Variants in BTG4 observed in about 807,000 individuals in gnomAD.
BTG4 encodes the protein BTG anti-proliferation factor 4.
In BTG4, 10 loss-of-function variants were observed where a neutral mutation model predicts 19.3. The observed-to-expected ratio is 0.52, with a 90% CI of 0.32 to 0.88. The LOEUF (loss-of-function observed/expected upper bound fraction) is 0.88, where lower values mean the gene tolerates loss of function less well. BTG4 is among the 40% of genes least tolerant of loss of function. The pLI is 0.04. For missense variants in BTG4, 238 were observed against 281.9 expected, an observed-to-expected ratio of 0.84 and a Z score of 1.11; for synonymous variants, 91 against 95.7, an observed-to-expected ratio of 0.95 and a Z score of 0.29.
At chr11:111,498,505 G>T in intron 2 of BTG4, 99 bp downstream of exon 2, 2 of 1,084,248 alleles carry the variant, frequency 1.8e-6, no homozygotes, top group South Asian at 1.4e-5. Context: ...TAAAACTTTT[G>T]TTACTTATAT....
chr11:111,490,356 G>A (rs1865340523), downstream of BTG4, among the ~76,000 whole-genome samples: 1 of 151,756 alleles, frequency 6.6e-6, no homozygotes, highest in Non-Finnish European at 1.5e-5. Flanking sequence ...TTGAGGTGAT[G>A]AATACCCCAA....
the BTG4 span, among the ~76,000 whole-genome samples, chr11:111,411,826 T>A: frequency 6.6e-6 from 1 of 152,240 alleles, no homozygotes; most frequent in Non-Finnish European, 1.5e-5. Flanking sequence ...TGTTGGTCTT[T>A]TTTTATTTCT....
chr11:111,416,913 A>G, the BTG4 span: 1 of 152,246 alleles, frequency 6.6e-6, no homozygotes, highest in East Asian at 1.9e-4. Context: ...GTCAGGAGCC[A>G]CGCTGGGCCT....
chr11:111,449,623 C>G, the BTG4 span: 2 of 152,460 alleles, frequency 1.3e-5, no homozygotes, highest in African/African-American at 4.8e-5. Flanking sequence ...CAGTACTTTG[C>G]ACTCTCAGGC....
At chr11:111,471,465 C>A (rs1010055206) in intron 5 of BTG4, among the ~76,000 whole-genome samples, 3 of 152,154 alleles carry the variant, frequency 2.0e-5, no homozygotes, top group Non-Finnish European at 4.4e-5. Flanking sequence ...ACATATCTGA[C>A]CATATTCTCC....
chr11:111,477,197 G>C (rs1187355698), intron 5 of BTG4, among the ~76,000 whole-genome samples: 1 of 152,096 alleles, frequency 6.6e-6, no homozygotes, highest in Non-Finnish European at 1.5e-5. Flanking sequence ...GTAAGCACAT[G>C]CTTTTTAATG....
the BTG4 span, among the ~76,000 whole-genome samples, chr11:111,444,042 A>AT: frequency 1.3e-5 from 2 of 152,176 alleles, no homozygotes; most frequent in Admixed American, 1.3e-4. Flanking sequence ...TAACAGAATT[A>AT]TTTTTTATGG....
chr11:111,505,789 C>T (rs1319190517), intron 1 of BTG4, among the ~76,000 whole-genome samples: 10 of 151,800 alleles, frequency 6.6e-5, no homozygotes, highest in Admixed American at 6.6e-4. Flanking sequence ...AAACATAAAA[C>T]AAACCAATTG....
Position 111,497,301 on chromosome 11 carries a change from G to A in BTG4, c.420C>T (p.Asp140=), listed in dbSNP as rs144330330. The change falls in exon 4 of 5, where the codon GAC becomes GAT. Residue 140 remains aspartate (D), a synonymous_variant. Transcript: ENST00000692032. ...ISYAVSRASS[D]VSSGTSCDEE... is the part of the protein sequence containing the mutation. The stretch of plus-strand genomic sequence containing the variant: ...CATCGCAGGAAGTGCCAGAGGAAAC[G>A]TCTGATGAGGCTCTACTAACGGCAT... 5.1e-5 allele frequency: 82 copies of A among 1,609,492 alleles called. No homozygotes were observed. The African/African-American group carries it at 6.7e-4, about 13-fold the overall frequency.
chr11:111,418,669 C>A, the BTG4 span, among the ~76,000 whole-genome samples: 6 of 152,148 alleles, frequency 3.9e-5, no homozygotes, highest in African/African-American at 1.4e-4. Context: ...CTTAGGCTAA[C>A]CACCAAAACC....
chr11:111,480,523 C>T (rs1238502762), intron 5 of BTG4, among the ~76,000 whole-genome samples: 1 of 151,948 alleles, frequency 6.6e-6, no homozygotes, highest in African/African-American at 2.4e-5. Flanking sequence ...TTTTCAAGTG[C>T]CCACAGGATA....
the BTG4 span, among the ~76,000 whole-genome samples, chr11:111,441,099 G>A: frequency 1.3e-5 from 2 of 148,832 alleles, no homozygotes; most frequent in African/African-American, 4.9e-5. Flanking sequence ...GCCAGGGCCA[G>A]AGACCGCTCT....
At chr11:111,415,751 A>G in the BTG4 span, among the ~76,000 whole-genome samples, 1 of 152,146 alleles carries the variant, frequency 6.6e-6, no homozygotes, top group Non-Finnish European at 1.5e-5. Flanking sequence ...GTTTAGAAAT[A>G]CAGTGGAGGT....
chr11:111,472,076 A>G (rs1409375700), intron 5 of BTG4, among the ~76,000 whole-genome samples: 2 of 152,202 alleles, frequency 1.3e-5, no homozygotes, highest in Non-Finnish European at 2.9e-5. Flanking sequence ...TGGCTTCCTC[A>G]AGTCCACCCT....
At chr11:111,492,214 C>A (rs1211889898), downstream of BTG4, among the ~76,000 whole-genome samples, 1 of 152,186 alleles carries the variant, frequency 6.6e-6, no homozygotes, top group Non-Finnish European at 1.5e-5. Context: ...ACAGTGTCAC[C>A]TCTGCTGGCT....
chr11:111,439,974 G>A, the BTG4 span, among the ~76,000 whole-genome samples: 2 of 152,198 alleles, frequency 1.3e-5, no homozygotes, highest in African/African-American at 4.8e-5. Flanking sequence ...TCAAAACTTA[G>A]CAGCCTAAGA....
At chr11:111,437,533 C>T in the BTG4 span, among the ~76,000 whole-genome samples, 1 of 152,214 alleles carries the variant, frequency 6.6e-6, no homozygotes, top group Non-Finnish European at 1.5e-5. Flanking sequence ...AACTTGAGGA[C>T]TGGTGTGGCT....
the BTG4 span, among the ~76,000 whole-genome samples, chr11:111,456,225 C>A: frequency 6.6e-6 from 1 of 152,174 alleles, no homozygotes; most frequent in African/African-American, 2.4e-5. This position sits in a 1 kb window ranked among gnomAD's most constrained non-coding sequence, Gnocchi z 4.2. Flanking sequence ...GTCTCGCAGG[C>A]CTGCTGAGTC....
chr11:111,506,865 G>A (rs1179963554), intron 1 of BTG4, among the ~76,000 whole-genome samples: 1 of 151,980 alleles, frequency 6.6e-6, no homozygotes, highest in Non-Finnish European at 1.5e-5. Flanking sequence ...AAGAACTAAA[G>A]GTACTAGGGA....
Sources: allele counts gnomAD v4.1 joint callset (sites outside exome capture counted in the v4.1 genomes callset), GRCh38; gene constraint gnomAD v4.1.1; non-coding constraint Gnocchi (gnomAD v3.1); transcripts MANE v1.5; gene names NCBI Gene and HGNC (gene_info 2026-07-23, HGNC 2026-07-21).